The following VWA7 variants were observed in gnomAD, a reference collection of about 807,000 sequenced individuals.
VWA7 encodes the protein von Willebrand factor A domain containing 7.
A neutral mutation model predicts 83.1 loss-of-function variants in VWA7; 66 were observed. That is an observed-to-expected ratio of 0.79 (90% CI 0.65 to 0.98). The LOEUF (loss-of-function observed/expected upper bound fraction) is 0.98. Among genes scored for constraint, VWA7 ranks in the 50% least tolerant of loss-of-function variants. The pLI is 0.00. For synonymous variants in VWA7, 424 were observed against 488.5 expected (o/e 0.87, Z 1.74); for missense variants, 1,080 against 1,160.2 (o/e 0.93, Z 1.00).
intron 7 of VWA7, among the ~76,000 whole-genome samples, chr6:31,771,027 G>GA (rs1288567469): frequency 0.024 from 3,279 of 133,846 alleles, 134 homozygotes; most frequent in African/African-American, 0.075. Context: ...AAAAAAAAAA[G>GA]AAAGAAAAGA....
chr6:31,765,704 G>A lies in VWA7; in HGVS notation c.2566C>T (p.Pro856Ser). 7 of 1,598,880 alleles carry A rather than the reference G, an allele frequency of 4.4e-6. No homozygotes were observed. The highest frequency in any genetic ancestry group is 6.0e-6 in the Non-Finnish European group (7 of 1,172,920). Reference protein sequence around the residue: ...ILTTATPAFSPFTLVTQGRAG... With the variant: ...ILTTATPAFSSFTLVTQGRAG... ...CTGCCTTGAGTCACCAATGTGAAGG[G>A]GGAAAAGGCAGGGGTGGCCGTGGTG... The change falls in exon 17 of 17, where the codon CCC becomes TCC. Residue 856 changes from proline (P) to serine (S), a missense_variant. Pro to Ser is a moderately conservative substitution (Grantham distance 74). Coordinates refer to ENST00000375688, the MANE Select transcript of VWA7 (RefSeq NM_025258.3).
rs1282878941 is a variant in VWA7, at chr6:31,769,113, C to T, written c.1408G>A (p.Ala470Thr). 1.2e-6 allele frequency: 2 copies of T among 1,613,120 alleles called. No individual in the cohort carries two copies. The highest frequency in any genetic ancestry group is 1.7e-6 in the Non-Finnish European group (2 of 1,180,046). The change falls in exon 10 of 17, where the codon GCA becomes ACA. Residue 470 changes from alanine to threonine, a missense_variant. Transcript: ENST00000375688. This position sits in a 1 kb window ranked among gnomAD's most constrained non-coding sequence, Gnocchi z 4.5. ...LSPLRFEPYK[A>T]VALASGGEVI... The stretch of plus-strand genomic sequence containing the variant: ...TCTCCTCCTGAGGCCAGGGCCACTG[C>T]TTTGTATGGCTCAAAACGCAGAGGG...
chr6:31,765,706 GA>G lies in VWA7; in HGVS notation c.2563del (p.Ser855ProfsTer6), dbSNP rs1433868151. 1 of 1,597,812 alleles carries G rather than the reference GA, an allele frequency of 6.3e-7. No individual in the cohort carries two copies. ...GCCTTGAGTCACCAATGTGAAGGGG[GA>G]AAAGGCAGGGGTGGCCGTGGTGAGG... ...PILTTATPAF[S>X]PFTLVTQGRA... On this transcript the variant is annotated frameshift_variant, in exon 17 of 17. Coordinates refer to ENST00000375688, the MANE Select transcript of VWA7 (RefSeq NM_025258.3). LOFTEE classifies it low-confidence loss of function (END_TRUNC).
Position 31,773,135 on chromosome 6 carries a change from G to A in VWA7, c.918-12C>T, listed in dbSNP as rs745653957. ...TGATGTCCAGCAGCCTGGGGAGCAA[G>A]CCAGAGACACAGTGAAGGGCCTGCA... is the stretch of plus-strand genomic sequence containing the variant. On this transcript the variant is annotated splice_polypyrimidine_tract_variant and intron_variant, in intron 6 of 16. Coordinates refer to ENST00000375688, the MANE Select transcript of VWA7 (RefSeq NM_025258.3). The surrounding 1 kb of genome is among the most constrained non-coding windows in gnomAD (Gnocchi z 5.3). 1.9e-6 allele frequency: 3 copies of A among 1,609,038 alleles called. No homozygotes were observed. In the Admixed American group the frequency reaches 5.0e-5, roughly 27 times the overall value.
chr6:31,774,233 T>C (rs905409362), intron 5 of VWA7, among the ~76,000 whole-genome samples: 3 of 147,968 alleles, frequency 2.0e-5, no homozygotes, highest in Non-Finnish European at 4.5e-5. Flanking sequence ...TAGGGCGTGG[T>C]GGTCAGTCAC....
chr6:31,776,875 C>A lies in VWA7; in HGVS notation c.-15-81G>T. The stretch of plus-strand genomic sequence containing the variant: ...CCGGCTCTGCGGGTCTCCATGGGAA[C>A]CTGCTTTACCTCAAAAGTCGTGTCT... On this transcript the variant is annotated intron_variant, in intron 1 of 16. Transcript: ENST00000375688. The surrounding 1 kb of genome is among the most constrained non-coding windows in gnomAD (Gnocchi z 6.2). 2 of 770,794 alleles carry A rather than the reference C, an allele frequency of 2.6e-6. No individual in the cohort carries two copies. The highest frequency in any genetic ancestry group is 3.8e-6 in the Non-Finnish European group (2 of 523,124). The allele number at this position is 770,794 out of a possible 1,614,324, so 47.7% of individuals were successfully genotyped here.
Position 31,773,451 on chromosome 6 carries a change from A to G in VWA7, c.722-14T>C. 1 of 1,560,594 alleles carries G rather than the reference A, an allele frequency of 6.4e-7. No individual in the cohort carries two copies. Among genetic ancestry groups the G allele is most frequent in the Non-Finnish European group, 8.7e-7 (1 of 1,153,220 alleles). On this transcript the variant is annotated splice_polypyrimidine_tract_variant and intron_variant, in intron 5 of 16. Coordinates refer to ENST00000375688, the MANE Select transcript of VWA7 (RefSeq NM_025258.3). This position sits in a 1 kb window ranked among gnomAD's most constrained non-coding sequence, Gnocchi z 5.3. ...GGCTACATTTCCCTGGGTTGGGGAA[A>G]GGGATCTGGAGAGTGGAGGTCAAAA... is the stretch of plus-strand genomic sequence containing the variant.
chr6:31,775,473 C>G lies in VWA7; in HGVS notation c.514-44G>C. The stretch of plus-strand genomic sequence containing the variant: ...GAAGGGGAGTGAGGCACTAGTCTGG[C>G]CTTTCTCACCATCTCCAGCACTAAT... On this transcript the variant is annotated intron_variant, in intron 3 of 16. Transcript: ENST00000375688. This position sits in a 1 kb window ranked among gnomAD's most constrained non-coding sequence, Gnocchi z 5.9. 1 of 1,553,600 alleles carries G rather than the reference C, an allele frequency of 6.4e-7. No individual in the cohort carries two copies. Among genetic ancestry groups the G allele is most frequent in the South Asian group, 1.1e-5 (1 of 87,092 alleles).
In VWA7 at chr6:31,775,234, A is replaced by G; in HGVS notation, c.610+99T>C. 9.5e-7 allele frequency: 1 copy of G among 1,053,142 alleles called. No homozygotes were observed. Among genetic ancestry groups the G allele is most frequent in the Non-Finnish European group, 1.4e-6 (1 of 740,434 alleles). 65.2% of individuals were successfully genotyped at this position (1,053,142 alleles called of 1,614,324 possible). A position where few individuals can be genotyped will look rare whatever the true frequency, so the allele number is the denominator to read the frequency against. ...ACCTCAGTCCTTGTGGAGATTAAGT[A>G]ACATCATACCCTCTGGGACTTCAGA... On this transcript the variant is annotated intron_variant, in intron 4 of 16. Coordinates refer to ENST00000375688, the MANE Select transcript of VWA7 (RefSeq NM_025258.3). The surrounding 1 kb of genome is among the most constrained non-coding windows in gnomAD (Gnocchi z 5.9).
At position 31,775,406 on chromosome 6, in the gene VWA7, C is replaced by T; in HGVS notation, c.537G>A (p.Trp179Ter). 3 of 1,612,344 alleles carry T rather than the reference C, an allele frequency of 1.9e-6. No homozygotes were observed. The highest frequency in any genetic ancestry group is 2.5e-6 in the Non-Finnish European group (3 of 1,179,708). Reference protein sequence around the residue: ...ALQDFYSHSNWVELGEQQPHP... With the variant: ...ALQDFYSHSN The stretch of plus-strand genomic sequence containing the variant: ...GTGGCTGCTGCTCGCCCAGCTCCAC[C>T]CAGTTGCTATGACTGTAGAAATCCT... Residue 179 changes from tryptophan (W) to a stop codon, truncating the protein, a stop_gained, in exon 4 of 17, where the codon TGG becomes TGA. Coordinates refer to ENST00000375688, the MANE Select transcript of VWA7 (RefSeq NM_025258.3). LOFTEE classifies it high-confidence loss of function. The surrounding 1 kb of genome is among the most constrained non-coding windows in gnomAD (Gnocchi z 5.9).
rs1405886931 is a variant in VWA7, at chr6:31,766,486, TG to T, written c.2160del (p.Ser720ArgfsTer3). On this transcript the variant is annotated frameshift_variant, in exon 14 of 17. Transcript: ENST00000375688. LOFTEE classifies it high-confidence loss of function. This position sits in a 1 kb window ranked among gnomAD's most constrained non-coding sequence, Gnocchi z 4.9. Reference sequence around the variant, plus strand: ...ACCTCCAGAAGGACAGGGACTACAGTGCTAGGCTGAGGGGCAGCCCTGTGCA... The same window carrying T: ...ACCTCCAGAAGGACAGGGACTACAGTCTAGGCTGAGGGGCAGCCCTGTGCA... ...RRLHRAAPQP[S>X]TVVPVLLELS... 1.9e-6 allele frequency: 3 copies of T among 1,602,104 alleles called. No individual in the cohort carries two copies. In the African/African-American group the frequency reaches 4.0e-5, roughly 21 times the overall value.
chr6:31,767,219 AAAGTGG>A lies in VWA7; in HGVS notation c.1815_1820del (p.His606_Phe607del). ...GGGGTCCATCCTCCATGGGGATCCCAAAGTGGAAGAGGAAGTCCAGGGAGGTCTGGG... is the reference window on the plus strand; with the variant it reads ...GGGGTCCATCCTCCATGGGGATCCCAAAGAGGAAGTCCAGGGAGGTCTGGG... On this transcript the variant is annotated inframe_deletion, in exon 13 of 17. Transcript: ENST00000375688. The A allele has an allele frequency of 6.2e-7, 1 of 1,605,928 alleles. No homozygotes were observed. The highest frequency in any genetic ancestry group is 8.5e-7 in the Non-Finnish European group (1 of 1,177,340).
intron 11 of VWA7, 26 bp downstream of exon 11, chr6:31,767,596 T>A (rs1412023574): frequency 6.2e-7 from 1 of 1,602,624 alleles, no homozygotes; most frequent in Non-Finnish European, 8.5e-7. Flanking sequence ...CCCGGTCCCC[T>A]CTCTTCCCTC....
chr6:31,770,224 T>A, intron 7 of VWA7, 111 bp from the exon 8 acceptor site: 1 of 792,864 alleles, frequency 1.3e-6, no homozygotes, highest in South Asian at 1.7e-5. Flanking sequence ...CCGACAGGTA[T>A]TGAAATAACA....
chr6:31,768,679 TA>T (rs1204891575), intron 10 of VWA7, among the ~76,000 whole-genome samples: 1 of 151,646 alleles, frequency 6.6e-6, no homozygotes, highest in African/African-American at 2.4e-5. Context: ...CCGGCTCTAC[TA>T]AAAAAATACA....
At chr6:31,770,467 T>C (rs946404714) in intron 7 of VWA7, among the ~76,000 whole-genome samples, 1 of 149,326 alleles carries the variant, frequency 6.7e-6, no homozygotes, top group Non-Finnish European at 1.5e-5. Flanking sequence ...CCTCCCCAGC[T>C]ACTGGGGAGG....
rs943060481 is a variant in VWA7, at chr6:31,766,914, G to C, written c.1883-150C>G. On this transcript the variant is annotated intron_variant, in intron 13 of 16. Coordinates refer to ENST00000375688, the MANE Select transcript of VWA7 (RefSeq NM_025258.3). This position sits in a 1 kb window ranked among gnomAD's most constrained non-coding sequence, Gnocchi z 4.9. Reference sequence around the variant, plus strand: ...GGGGTATTGATGGGGAGCATCAGGAGGGAGTTCTGGGGTGCTGGAAATGTT... The same window carrying C: ...GGGGTATTGATGGGGAGCATCAGGACGGAGTTCTGGGGTGCTGGAAATGTT... The C allele has an allele frequency of 3.7e-6, 3 of 803,530 alleles. No individual in the cohort carries two copies. The highest frequency in any genetic ancestry group is 5.7e-6 in the Non-Finnish European group (3 of 526,244). 49.8% of individuals were successfully genotyped at this position (803,530 alleles called of 1,614,324 possible). A position where few individuals can be genotyped will look rare whatever the true frequency, so the allele number is the denominator to read the frequency against.
intron 7 of VWA7, among the ~76,000 whole-genome samples, chr6:31,772,722 C>T (rs1812317054): frequency 6.6e-6 from 1 of 151,506 alleles, no homozygotes; most frequent in Non-Finnish European, 1.5e-5. Flanking sequence ...GCCTCAGCCT[C>T]CCGAGTAGCT....
Position 31,765,736 on chromosome 6 carries a change from G to A in VWA7, c.2534C>T (p.Pro845Leu), listed in dbSNP as rs778028441. Residue 845 changes from proline (P) to leucine (L), a missense_variant, in exon 17 of 17, where the codon CCG becomes CTG. Pro to Leu is a moderately conservative substitution (Grantham distance 98). Coordinates refer to ENST00000375688, the MANE Select transcript of VWA7 (RefSeq NM_025258.3). ...RHTTPTGSSD[P>L]ILTTATPAFS... is the part of the protein sequence containing the mutation. ...GGCAGGGGTGGCCGTGGTGAGGATC[G>A]GGTCAGATGAGCCGGTAGGGGTGGT... is the stretch of plus-strand genomic sequence containing the variant. 2.7e-5 allele frequency: 43 copies of A among 1,591,230 alleles called. No homozygotes were observed. Among genetic ancestry groups the A allele is most frequent in the Middle Eastern group, 1.7e-4 (1 of 6,000 alleles).
Sources: allele counts gnomAD v4.1 joint callset (sites outside exome capture counted in the v4.1 genomes callset), GRCh38; gene constraint gnomAD v4.1.1; non-coding constraint Gnocchi (gnomAD v3.1); transcripts MANE v1.5; gene names NCBI Gene and HGNC (gene_info 2026-07-23, HGNC 2026-07-21).